The following RGS7 variants were observed in gnomAD, a reference collection of about 807,000 sequenced individuals.
The protein encoded by RGS7 is regulator of G protein signaling 7, also known as regulator of G-protein signaling 7.
RGS7 carries 27 observed loss-of-function variants against 81.1 expected under a neutral mutation model. That is an observed-to-expected ratio of 0.33 (90% CI 0.25 to 0.46). The LOEUF is 0.46. RGS7 is among the 20% of genes least tolerant of loss of function. RGS7 has a pLI of 1.00. For synonymous variants in RGS7, 208 were observed against 207.7 expected, an observed-to-expected ratio of 1.00 and a Z score of -0.01; for missense variants, 396 against 607.4, an observed-to-expected ratio of 0.65 and a Z score of 3.66.
chr1:240,926,433 A>G (rs780971599), intron 6 of RGS7, among the ~76,000 whole-genome samples: 5 of 152,206 alleles, frequency 3.3e-5, no homozygotes, highest in Non-Finnish European at 4.4e-5. Flanking sequence ...TGACTTGGCC[A>G]AAGATCATAT....
At chr1:240,994,541 G>A (rs530322895) in intron 3 of RGS7, among the ~76,000 whole-genome samples, 3 of 152,088 alleles carry the variant, frequency 2.0e-5, no homozygotes, top group African/African-American at 7.2e-5. Flanking sequence ...TTCTGGACTC[G>A]ATTCTTAGTT....
At chr1:241,236,172 C>A (rs985809063) in intron 2 of RGS7, among the ~76,000 whole-genome samples, 4 of 149,090 alleles carry the variant, frequency 2.7e-5, no homozygotes, top group Admixed American at 6.7e-5. Flanking sequence ...CGACCTCCGC[C>A]CCCCATATTT....
intron 3 of RGS7, among the ~76,000 whole-genome samples, chr1:240,995,725 T>G (rs561474798): frequency 6.6e-6 from 1 of 150,706 alleles, no homozygotes; most frequent in Non-Finnish European, 1.5e-5. Flanking sequence ...TTTTTTTGTC[T>G]TGTTACAGAA....
intron 2 of RGS7, among the ~76,000 whole-genome samples, chr1:241,178,308 T>TA (rs1410587190): frequency 6.6e-6 from 1 of 151,414 alleles, no homozygotes; most frequent in Non-Finnish European, 1.5e-5. Flanking sequence ...AATGAAAAAG[T>TA]AAAAAAGAAA....
chr1:241,106,727 A>AG (rs1387504447), intron 2 of RGS7, among the ~76,000 whole-genome samples: 2 of 119,536 alleles, frequency 1.7e-5, no homozygotes, highest in East Asian at 4.0e-4. Flanking sequence ...AAAAAAAAAA[A>AG]AAAAAAAAAA....
At chr1:241,228,619 T>C (rs547906690) in intron 2 of RGS7, among the ~76,000 whole-genome samples, 2 of 152,218 alleles carry the variant, frequency 1.3e-5, no homozygotes, top group African/African-American at 4.8e-5. Flanking sequence ...CTGAGTTTCA[T>C]AGAAAAATGA....
chr1:241,300,276 C>T (rs971546398), intron 2 of RGS7, among the ~76,000 whole-genome samples: 22 of 152,208 alleles, frequency 1.4e-4, no homozygotes, highest in Non-Finnish European at 2.9e-4. Context: ...TACATCGCTA[C>T]ATCATAATCA....
chr1:241,294,623 T>C (rs1461958493), intron 2 of RGS7, among the ~76,000 whole-genome samples: 1 of 152,170 alleles, frequency 6.6e-6, no homozygotes. Context: ...CACTACTCAC[T>C]CACTGACTCA....
chr1:240,902,535 G>A (rs1397692698), intron 6 of RGS7, among the ~76,000 whole-genome samples: 1 of 152,100 alleles, frequency 6.6e-6, no homozygotes, highest in East Asian at 1.9e-4. Flanking sequence ...AAGACAAGAT[G>A]TTTCTAATGT....
Position 240,813,618 on chromosome 1 carries a change from C to T in RGS7, c.956G>A (p.Ser319Asn). ...GCGAGAAAGATAAAATGCCACCTAC[C>T]TTGCCTCAAGTTCCCAGAAAGTGGT... ...DDTTFWELEA[S>N]KEPSQQRVKR... is the part of the protein sequence containing the mutation. Residue 319 changes from serine to asparagine, a missense_variant and splice_region_variant, in exon 13 of 19, where the codon AGC becomes AAC. Coordinates refer to ENST00000440928, the MANE Select transcript of RGS7 (RefSeq NM_001364886.1). The T allele has an allele frequency of 6.3e-7, 1 of 1,595,318 alleles. No homozygotes were observed. Among genetic ancestry groups the T allele is most frequent in the Non-Finnish European group, 8.6e-7 (1 of 1,162,862 alleles).
intron 18 of RGS7, among the ~76,000 whole-genome samples, chr1:240,793,558 A>G (rs1686381004): frequency 6.8e-6 from 1 of 146,312 alleles, no homozygotes; most frequent in African/African-American, 2.6e-5. Context: ...GTCAGTTTAT[A>G]AATTATTTTC....
chr1:241,116,850 A>T (rs1405864324), intron 2 of RGS7, among the ~76,000 whole-genome samples: 1 of 152,190 alleles, frequency 6.6e-6, no homozygotes, highest in Non-Finnish European at 1.5e-5. Context: ...TGTTAACTAT[A>T]GTCATCTGAC....
At chr1:240,820,873 G>A (rs1691654686) in intron 10 of RGS7, among the ~76,000 whole-genome samples, 1 of 152,144 alleles carries the variant, frequency 6.6e-6, no homozygotes, top group Non-Finnish European at 1.5e-5. Flanking sequence ...CAGTAAAATA[G>A]AAACCACAAA....
intron 13 of RGS7, among the ~76,000 whole-genome samples, chr1:240,813,029 C>A (rs1459752522): frequency 1.3e-5 from 2 of 152,130 alleles, no homozygotes; most frequent in Non-Finnish European, 2.9e-5. Context: ...TGACAGAGCA[C>A]CCATCTTTTC....
At chr1:241,005,757 A>G (rs2058659303) in intron 3 of RGS7, among the ~76,000 whole-genome samples, 1 of 152,074 alleles carries the variant, frequency 6.6e-6, no homozygotes. Flanking sequence ...GGCTGGTCTC[A>G]AACTCCTGAC....
intron 2 of RGS7, among the ~76,000 whole-genome samples, chr1:241,255,452 T>C (rs757403662): frequency 2.0e-5 from 3 of 152,192 alleles, no homozygotes; most frequent in Non-Finnish European, 4.4e-5. Flanking sequence ...TGATTGTCCA[T>C]GACAGGAAAT....
At chr1:241,317,974 T>G (rs1247672194) in intron 2 of RGS7, among the ~76,000 whole-genome samples, 1 of 152,198 alleles carries the variant, frequency 6.6e-6, no homozygotes, top group African/African-American at 2.4e-5. Context: ...ATATCCTGTC[T>G]TGGGTTTTCC....
intron 2 of RGS7, among the ~76,000 whole-genome samples, chr1:241,265,857 C>T (rs1158673494): frequency 2.2e-4 from 30 of 137,934 alleles, no homozygotes; most frequent in Admixed American, 4.8e-4. Context: ...TGCAACGGCG[C>T]AATCTCGGCT....
intron 2 of RGS7, among the ~76,000 whole-genome samples, chr1:241,221,092 A>AAAGGAAGGAAGGAAGG (rs141939771): frequency 7.2e-6 from 1 of 138,466 alleles, no homozygotes; most frequent in Non-Finnish European, 1.5e-5. Context: ...AGGAAGGAAG[A>AAAGGAAGGAAGGAAGG]AAGGAAGGAA....
Sources: allele counts gnomAD v4.1 joint callset (sites outside exome capture counted in the v4.1 genomes callset), GRCh38; gene constraint gnomAD v4.1.1; transcripts MANE v1.5; gene names NCBI Gene and HGNC (gene_info 2026-07-23, HGNC 2026-07-21).